EIPR1: variants seen among roughly 807,000 people sequenced by gnomAD.
EIPR1 encodes EARP and GARP complex-interacting protein 1.
In EIPR1, 25 loss-of-function variants were observed where a neutral mutation model predicts 48.1. The ratio of observed to expected loss-of-function variants is 0.52; its 90% CI spans 0.38 to 0.73. The LOEUF is 0.73. Ranked by LOEUF, EIPR1 falls within the 30% of genes least tolerant of loss-of-function variation. The probability of loss-of-function intolerance (pLI) is 0.00; values close to 1 mark genes in which losing one functional copy is unlikely to be tolerated. For synonymous variants in EIPR1, 204 were observed against 201.9 expected, an observed-to-expected ratio of 1.01 and a Z score of -0.09; for missense variants, 415 against 506.2, an observed-to-expected ratio of 0.82 and a Z score of 1.73.
chr2:3,197,461 C>A (rs867115701), intron 5 of EIPR1, among the ~76,000 whole-genome samples: 3 of 152,212 alleles, frequency 2.0e-5, no homozygotes, highest in Non-Finnish European at 4.4e-5. Context: ...TCCCTCCCTC[C>A]GTCTCGAGGC....
chr2:3,320,497 C>G (rs971292451), intron 3 of EIPR1: 3 of 152,978 alleles, frequency 2.0e-5, no homozygotes, highest in Admixed American at 1.3e-4. Context: ...CACAGACGCT[C>G]TCTTTGCTAG....
chr2:3,297,057 C>G (rs1202590130), intron 3 of EIPR1, among the ~76,000 whole-genome samples: 1 of 152,136 alleles, frequency 6.6e-6, no homozygotes, highest in African/African-American at 2.4e-5. Flanking sequence ...GTACCAGAAT[C>G]ACTTCCTTTT....
chr2:3,195,803 C>T (rs776647948), intron 6 of EIPR1, among the ~76,000 whole-genome samples: 9 of 152,294 alleles, frequency 5.9e-5, no homozygotes, highest in East Asian at 5.8e-4. Flanking sequence ...AATGAGAAGG[C>T]GCCAGGACCC....
chr2:3,307,121 C>G (rs1449161040), intron 3 of EIPR1, among the ~76,000 whole-genome samples: 3 of 152,020 alleles, frequency 2.0e-5, no homozygotes, highest in African/African-American at 4.8e-5. Context: ...TGCCACCACA[C>G]CCTGCTAATT....
chr2:3,305,929 A>G (rs1668928508), intron 3 of EIPR1, among the ~76,000 whole-genome samples: 1 of 150,192 alleles, frequency 6.7e-6, no homozygotes, highest in Non-Finnish European at 1.5e-5. Context: ...GTTACATATT[A>G]CCATCATCAC....
chr2:3,369,541 G>A (rs1408303550), intron 1 of EIPR1, among the ~76,000 whole-genome samples: 6 of 152,196 alleles, frequency 3.9e-5, no homozygotes, highest in African/African-American at 7.2e-5. Context: ...CAAATACTGC[G>A]CTTTTCCGAC....
intron 2 of EIPR1, chr2:3,353,311 T>C (rs1216491336): frequency 2.1e-6 from 1 of 471,136 alleles, no homozygotes; most frequent in Admixed American, 2.3e-5. Context: ...CCTATTTCCT[T>C]CCAGTCTTTA....
At chr2:3,212,133 G>A (rs35904035) in intron 5 of EIPR1, among the ~76,000 whole-genome samples, 42,124 of 152,094 alleles carry the variant, frequency 0.28, 6,943 homozygotes, top group Non-Finnish European at 0.38. Context: ...ACAGTGGAGG[G>A]CCACAAAGTA....
At chr2:3,348,562 C>T (rs553294021) in intron 2 of EIPR1, among the ~76,000 whole-genome samples, 2 of 152,292 alleles carry the variant, frequency 1.3e-5, no homozygotes, top group East Asian at 3.9e-4. Flanking sequence ...ATCCTTGTCC[C>T]GCCTAAGCAC....
rs1659928992 is a variant in EIPR1, at chr2:3,377,464, G to A, written c.42+184C>T. On this transcript the variant is annotated intron_variant, in intron 1 of 8. Transcript: ENST00000382125. ...AGGCAGGCCGGCTGTGGCCAACCCT[G>A]TTATCCAGTACAACCGTTTAACCTC... is the stretch of plus-strand genomic sequence containing the variant. 1.1e-5 allele frequency: 7 copies of A among 658,650 alleles called. No individual in the cohort carries two copies. In the South Asian group the frequency reaches 1.8e-4, roughly 17 times the overall value. The allele number at this position is 658,650 out of a possible 1,614,324, so 40.8% of individuals were successfully genotyped here.
intron 3 of EIPR1, among the ~76,000 whole-genome samples, chr2:3,287,811 G>A (rs1478866033): frequency 6.6e-6 from 1 of 150,672 alleles, no homozygotes; most frequent in Non-Finnish European, 1.5e-5. Flanking sequence ...GCTCTAGAAA[G>A]CTCATTCACC....
At chr2:3,208,996 C>A in intron 5 of EIPR1, 1 of 1,456,594 alleles carries the variant, frequency 6.9e-7, no homozygotes, top group South Asian at 1.5e-5. Context: ...TTATCAAGGT[C>A]GCCAGAAGCG....
chr2:3,196,521 G>C (rs1664811284), intron 6 of EIPR1, among the ~76,000 whole-genome samples: 3 of 152,142 alleles, frequency 2.0e-5, no homozygotes, highest in Admixed American at 2.0e-4. Flanking sequence ...ACTTAACCTG[G>C]GGACTGCAGC....
intron 4 of EIPR1, among the ~76,000 whole-genome samples, chr2:3,220,283 C>T (rs1380951326): frequency 1.3e-5 from 2 of 152,154 alleles, no homozygotes; most frequent in African/African-American, 2.4e-5. Context: ...AACACATGCA[C>T]ACAATGGCCG....
rs554111137 is a variant in EIPR1, at chr2:3,304,092, A to C, written c.259+33925T>G. Among the ~76,000 whole-genome samples the C allele has an allele frequency of 3.3e-5, 5 of 152,348 alleles. No individual in the cohort carries two copies. The East Asian group carries it at 9.6e-4, about 29-fold the overall frequency. ...AGACACGGTCACCAAGTTCACACAG[A>C]AAGGATCCATCTGAAGGGCTGGAAA... On this transcript the variant is annotated intron_variant, in intron 3 of 8. Transcript: ENST00000382125.
At chr2:3,297,929 C>T (rs190085898) in intron 3 of EIPR1, among the ~76,000 whole-genome samples, 1 of 152,322 alleles carries the variant, frequency 6.6e-6, no homozygotes, top group East Asian at 1.9e-4. Flanking sequence ...TCAGCTTTGT[C>T]TTGCTTTTTA....
intron 4 of EIPR1, among the ~76,000 whole-genome samples, chr2:3,245,426 TG>T (rs762662800): frequency 8.5e-5 from 13 of 152,130 alleles, no homozygotes; most frequent in Non-Finnish European, 1.8e-4. Context: ...CTGGCCAGGG[TG>T]GTTTCAAACT....
At chr2:3,202,925 C>T (rs1007871259) in intron 5 of EIPR1, among the ~76,000 whole-genome samples, 2 of 152,248 alleles carry the variant, frequency 1.3e-5, no homozygotes, top group Non-Finnish European at 1.5e-5. Context: ...ATTGAGCAAG[C>T]TCCTCAGCCG....
At chr2:3,325,488 G>A (rs1244250091) in intron 3 of EIPR1, among the ~76,000 whole-genome samples, 2 of 152,168 alleles carry the variant, frequency 1.3e-5, no homozygotes, top group African/African-American at 2.4e-5. Context: ...CCTTCCACTC[G>A]AGGGCCGCCC....
Sources: allele counts gnomAD v4.1 joint callset (sites outside exome capture counted in the v4.1 genomes callset), GRCh38; gene constraint gnomAD v4.1.1; transcripts MANE v1.5; gene names NCBI Gene and HGNC (gene_info 2026-07-23, HGNC 2026-07-21).